The following PATJ variants were observed in gnomAD, a reference collection of about 807,000 sequenced individuals.
PATJ encodes the protein PATJ crumbs cell polarity complex component, also known as inaD-like protein.
A neutral mutation model predicts 224.9 loss-of-function variants in PATJ; 190 were observed. That is an observed-to-expected ratio of 0.84 (90% CI 0.75 to 0.95). The LOEUF (loss-of-function observed/expected upper bound fraction) is 0.95. Ranked by LOEUF, PATJ falls within the 40% of genes least tolerant of loss-of-function variation. PATJ has a pLI of 0.00. For missense variants in PATJ, 2,121 were observed against 2,270.3 expected, an observed-to-expected ratio of 0.93 and a Z score of 1.34; for synonymous variants, 769 against 820.3, an observed-to-expected ratio of 0.94 and a Z score of 1.07.
At chr1:62,146,650 G>A (rs1003743656) in intron 41 of PATJ, among the ~76,000 whole-genome samples, 2 of 152,020 alleles carry the variant, frequency 1.3e-5, no homozygotes, top group Non-Finnish European at 2.9e-5. Context: ...GGTGGCGGGT[G>A]CCTGTAATCC....
intron 14 of PATJ, among the ~76,000 whole-genome samples, chr1:61,814,543 T>TGTGTGTGTGTGC (rs1655667271): frequency 1.4e-5 from 2 of 138,786 alleles, no homozygotes; most frequent in African/African-American, 5.7e-5. Context: ...TGTGTGTGTG[T>TGTGTGTGTGTGC]GTGTGCGCGC....
chr1:61,876,604 T>C (rs2149034525), intron 21 of PATJ, among the ~76,000 whole-genome samples: 1 of 152,292 alleles, frequency 6.6e-6, no homozygotes, highest in Non-Finnish European at 1.5e-5. Context: ...CTTCTAACCC[T>C]AGATGCCAGT....
intron 17 of PATJ, among the ~76,000 whole-genome samples, chr1:61,848,653 C>T (rs76588627): frequency 0.018 from 2,741 of 152,120 alleles, 92 homozygotes; most frequent in African/African-American, 0.063. Context: ...TGGACTCAAG[C>T]GATCCTACCC....
chr1:62,150,616 G>A (rs1668518725), intron 42 of PATJ, among the ~76,000 whole-genome samples: 1 of 144,232 alleles, frequency 6.9e-6, no homozygotes, highest in African/African-American at 2.6e-5. Flanking sequence ...GTTTGAGGCT[G>A]CAACGGGCTG....
intron 29 of PATJ, among the ~76,000 whole-genome samples, chr1:62,034,357 C>T (rs1352823356): frequency 1.3e-5 from 2 of 148,972 alleles, no homozygotes; most frequent in Non-Finnish European, 3.0e-5. Flanking sequence ...GCACGAGAGT[C>T]GCTTAAACCT....
At chr1:61,965,192 A>C (rs112275191) in intron 27 of PATJ, among the ~76,000 whole-genome samples, 326 of 134,132 alleles carry the variant, frequency 2.4e-3, no homozygotes, top group Non-Finnish European at 4.3e-3. Context: ...TTGAAGCTTT[A>C]TTATTTTCTA....
intron 28 of PATJ, among the ~76,000 whole-genome samples, chr1:62,000,074 A>G (rs1187519304): frequency 3.3e-5 from 5 of 151,864 alleles, no homozygotes; most frequent in Admixed American, 1.3e-4. Context: ...TTTTTAGTAG[A>G]GATGGGGTTT....
At chr1:62,136,769 A>G (rs1400232673) in intron 41 of PATJ, among the ~76,000 whole-genome samples, 1 of 151,324 alleles carries the variant, frequency 6.6e-6, no homozygotes, top group Admixed American at 6.6e-5. Context: ...CAGTGGCACA[A>G]TCATGGCTCA....
In PATJ at chr1:62,160,966, G is replaced by A; in HGVS notation, c.5561G>A (p.Gly1854Asp). 6.2e-7 allele frequency: 1 copy of A among 1,613,824 alleles called. No homozygotes were observed. Among genetic ancestry groups the A allele is most frequent in the Non-Finnish European group, 8.5e-7 (1 of 1,179,958 alleles). ...GGGGATCAGATTTTAGCTGTTAATG[G>A]CGAGACCCTGGAAGGTGTTACTCAT... The part of the protein sequence containing the change: ...KRGDQILAVN[G>D]ETLEGVTHEQ... Residue 1854 changes from glycine to aspartate, a missense_variant, in exon 44 of 44, where the codon GGC becomes GAC. Physicochemically the swap from Gly to Asp is moderately conservative, Grantham distance 94. Coordinates refer to ENST00000642238, the MANE Select transcript of PATJ (RefSeq NM_001350145.3).
intron 31 of PATJ, among the ~76,000 whole-genome samples, chr1:62,074,366 A>C (rs1010685740): frequency 7.2e-5 from 11 of 152,008 alleles, no homozygotes; most frequent in Middle Eastern, 6.8e-3. Flanking sequence ...ATAATAATAA[A>C]ATTAAAAAAA....
At chr1:62,110,792 C>T (rs926463710) in intron 34 of PATJ, among the ~76,000 whole-genome samples, 1 of 152,182 alleles carries the variant, frequency 6.6e-6, no homozygotes, top group Admixed American at 6.5e-5. Flanking sequence ...CCCACATGGC[C>T]CTTCCACCCA....
intron 7 of PATJ, among the ~76,000 whole-genome samples, chr1:61,787,246 A>G (rs1306624017): frequency 2.0e-5 from 3 of 152,168 alleles, no homozygotes; most frequent in Non-Finnish European, 4.4e-5. Context: ...CCAATCATGA[A>G]AAGAAGATGC....
intron 41 of PATJ, among the ~76,000 whole-genome samples, chr1:62,140,885 G>C (rs1223080125): frequency 1.3e-5 from 2 of 151,618 alleles, no homozygotes; most frequent in East Asian, 3.9e-4. Context: ...CTCCACCCTG[G>C]GTGAGAGAGC....
chr1:62,110,185 A>G (rs1320779336), intron 34 of PATJ, among the ~76,000 whole-genome samples: 17 of 152,230 alleles, frequency 1.1e-4, no homozygotes, highest in Admixed American at 1.0e-3. Context: ...CTAGTTCATG[A>G]GAGTCTAACA....
At chr1:62,121,584 C>T (rs547149841) in intron 38 of PATJ, among the ~76,000 whole-genome samples, 3 of 151,342 alleles carry the variant, frequency 2.0e-5, no homozygotes, top group East Asian at 3.9e-4. Flanking sequence ...TGGCTAACCC[C>T]GTGAAACCCC....
chr1:62,157,622 G>GAC (rs1558249170), intron 43 of PATJ, among the ~76,000 whole-genome samples: 3 of 148,284 alleles, frequency 2.0e-5, no homozygotes, highest in African/African-American at 7.3e-5. Flanking sequence ...CCTGAGGTCA[G>GAC]GAGTTAAAGA....
chr1:61,973,023 A>G (rs567099468), intron 27 of PATJ, among the ~76,000 whole-genome samples: 18 of 152,210 alleles, frequency 1.2e-4, no homozygotes, highest in African/African-American at 4.1e-4. Flanking sequence ...CTTAGAATCT[A>G]TTCTTAAAAT....
intron 20 of PATJ, among the ~76,000 whole-genome samples, chr1:61,871,471 A>ATATG (rs1166762494): frequency 1.4e-5 from 1 of 71,212 alleles, no homozygotes; most frequent in Non-Finnish European, 3.5e-5. Context: ...ATATATGTAT[A>ATATG]TACATATATA....
At chr1:61,828,650 C>G (rs368427179) in intron 16 of PATJ, among the ~76,000 whole-genome samples, 2 of 152,132 alleles carry the variant, frequency 1.3e-5, no homozygotes, top group South Asian at 2.1e-4. Context: ...CCTCAACCCC[C>G]CAAAATGCTG....
Sources: allele counts gnomAD v4.1 joint callset (sites outside exome capture counted in the v4.1 genomes callset), GRCh38; gene constraint gnomAD v4.1.1; transcripts MANE v1.5; gene names NCBI Gene and HGNC (gene_info 2026-07-23, HGNC 2026-07-21).